The following MTARC2 variants were observed in gnomAD, a reference collection of about 807,000 sequenced individuals.
MTARC2 encodes mitochondrial amidoxime reducing component 2, also known as MOCO sulphurase C-terminal domain containing 2.
A neutral mutation model predicts 35.6 loss-of-function variants in MTARC2; 27 were observed. The observed-to-expected ratio is 0.76, with a 90% CI of 0.56 to 1.04. MTARC2 has a LOEUF of 1.04. Ranked by LOEUF, MTARC2 falls within the 50% of genes least tolerant of loss-of-function variation. The pLI is 0.00. For synonymous variants in MTARC2, 158 were observed against 167.1 expected, an observed-to-expected ratio of 0.95 and a Z score of 0.42; for missense variants, 412 against 432.5, an observed-to-expected ratio of 0.95 and a Z score of 0.42.
At chr1:220,767,542 CA>C (rs1423782546) in intron 4 of MTARC2, among the ~76,000 whole-genome samples, 1 of 152,154 alleles carries the variant, frequency 6.6e-6, no homozygotes, top group Admixed American at 6.5e-5. Context: ...GGGAATGCAG[CA>C]AAATGAAGTT....
At position 220,748,502 on chromosome 1, in the gene MTARC2, G is replaced by T; in HGVS notation, c.-30G>T. ...GGTCTCCGGTCGCTGCCGGGTCTGTGCGCCGGTCCGCGCCCGCCCTCGCTC... is the reference window on the plus strand; with the variant it reads ...GGTCTCCGGTCGCTGCCGGGTCTGTTCGCCGGTCCGCGCCCGCCCTCGCTC... On this transcript the variant is annotated 5_prime_UTR_variant, in exon 1 of 8. Coordinates refer to ENST00000366913, the MANE Select transcript of MTARC2 (RefSeq NM_017898.5). The T allele has an allele frequency of 7.3e-7, 1 of 1,372,478 alleles. No individual in the cohort carries two copies. 85.0% of individuals were successfully genotyped at this position (1,372,478 alleles called of 1,614,324 possible). A position where few individuals can be genotyped will look rare whatever the true frequency, so the allele number is the denominator to read the frequency against.
At chr1:220,770,106 C>CA (rs111417875) in intron 4 of MTARC2, among the ~76,000 whole-genome samples, 3,584 of 151,840 alleles carry the variant, frequency 0.024, 111 homozygotes, top group African/African-American at 0.065. Context: ...GACTCTGTCT[C>CA]AAAAAAACAA....
At chr1:220,780,101 C>T (rs1291445172) in intron 5 of MTARC2, 22 bp downstream of exon 5, 8 of 1,598,796 alleles carry the variant, frequency 5.0e-6, no homozygotes, top group Non-Finnish European at 6.8e-6. Context: ...AGCTAGACCC[C>T]AGGACTGTGG....
chr1:220,757,718 G>A (rs1271693667), intron 2 of MTARC2, among the ~76,000 whole-genome samples: 1 of 152,080 alleles, frequency 6.6e-6, no homozygotes, highest in Non-Finnish European at 1.5e-5. Context: ...CAGCATGAGG[G>A]CTCCACCTCA....
chr1:220,753,741 C>A (rs1399284469), intron 1 of MTARC2, among the ~76,000 whole-genome samples: 4 of 152,178 alleles, frequency 2.6e-5, no homozygotes, highest in South Asian at 2.1e-4. Context: ...TCTGCAGATT[C>A]TATCTTCTTT....
In MTARC2 at chr1:220,773,670, A is replaced by G. The variant is rs559613860; in HGVS notation, c.751-6348A>G. Among the ~76,000 whole-genome samples, 38 of 152,256 alleles carry G rather than the reference A, an allele frequency of 2.5e-4. No homozygotes were observed. The South Asian group carries it at 2.9e-3, about 12-fold the overall frequency. On this transcript the variant is annotated intron_variant, in intron 4 of 7. Transcript: ENST00000366913. The stretch of plus-strand genomic sequence containing the variant: ...ATTGAGTTGAATTGTTGGACACCCA[A>G]TTGGTGTCAGAGAATTGCAGAAATG...
chr1:220,770,082 G>A (rs971770407), intron 4 of MTARC2, among the ~76,000 whole-genome samples: 1 of 151,996 alleles, frequency 6.6e-6, no homozygotes, highest in Non-Finnish European at 1.5e-5. Flanking sequence ...ACTCCAGCCT[G>A]GGCGACAGAG....
intron 7 of MTARC2, among the ~76,000 whole-genome samples, 178 bp downstream of exon 7, chr1:220,782,110 C>G (rs2279636): frequency 0.047 from 7,206 of 152,214 alleles, 269 homozygotes; most frequent in East Asian, 0.19. Flanking sequence ...TTTGTGTACT[C>G]CTACCTCAGC....
chr1:220,763,245 G>A (rs940219894), intron 4 of MTARC2, among the ~76,000 whole-genome samples, 195 bp downstream of exon 4: 11 of 152,206 alleles, frequency 7.2e-5, no homozygotes, highest in African/African-American at 2.6e-4. Context: ...GGGGGGCGTT[G>A]CTCTCACCCG....
At chr1:220,750,741 CCATTTTG>C (rs1671104400) in intron 1 of MTARC2, among the ~76,000 whole-genome samples, 1 of 152,180 alleles carries the variant, frequency 6.6e-6, no homozygotes, top group Non-Finnish European at 1.5e-5. Flanking sequence ...AGTATTATCA[CCATTTTG>C]CAAATAAGGA....
chr1:220,781,459 G>A (rs998608941), intron 6 of MTARC2, among the ~76,000 whole-genome samples: 1 of 152,140 alleles, frequency 6.6e-6, no homozygotes, highest in Admixed American at 6.5e-5. Flanking sequence ...TTGAGTTTTA[G>A]GGGCATTTGT....
chr1:220,778,440 C>G (rs56392834), intron 4 of MTARC2, among the ~76,000 whole-genome samples: 2,975 of 152,088 alleles, frequency 0.02, 115 homozygotes, highest in African/African-American at 0.068. Context: ...GTGCCAGACA[C>G]TTTTAAGCAA....
At chr1:220,751,635 T>C (rs1671127790) in intron 1 of MTARC2, among the ~76,000 whole-genome samples, 1 of 152,208 alleles carries the variant, frequency 6.6e-6, no homozygotes, top group African/African-American at 2.4e-5. Context: ...CAGTTTGTAA[T>C]TGAGAAATGA....
chr1:220,764,966 C>T (rs1671542073), intron 4 of MTARC2, among the ~76,000 whole-genome samples: 1 of 152,146 alleles, frequency 6.6e-6, no homozygotes, highest in East Asian at 1.9e-4. Flanking sequence ...ATGGATCCTG[C>T]TCTTCAGAAT....
At chr1:220,768,783 T>G (rs549752634) in intron 4 of MTARC2, among the ~76,000 whole-genome samples, 18 of 152,276 alleles carry the variant, frequency 1.2e-4, no homozygotes, top group Non-Finnish European at 1.9e-4. Context: ...AGAAGCAAGC[T>G]GAAAGCATCT....
At chr1:220,780,290 A>C (rs747814654) in intron 6 of MTARC2, 51 bp downstream of exon 6, 5 of 1,515,624 alleles carry the variant, frequency 3.3e-6, no homozygotes, top group Admixed American at 1.9e-5. Context: ...CCACCCCAGA[A>C]CTACCTATGG....
In MTARC2 at chr1:220,781,924, G is replaced by T. The variant is rs200796283; in HGVS notation, c.*23G>T. On this transcript the variant is annotated 3_prime_UTR_variant, in exon 7 of 8. Coordinates refer to ENST00000366913, the MANE Select transcript of MTARC2 (RefSeq NM_017898.5). ...TAGTGATGAGTGATGGATCCACTAG[G>T]GTGATATGGTAAAGGGTCAGCTTTG... 1.9e-6 allele frequency: 3 copies of T among 1,611,570 alleles called. No homozygotes were observed. Among genetic ancestry groups the T allele is most frequent in the Non-Finnish European group, 1.7e-6 (2 of 1,178,450 alleles).
intron 4 of MTARC2, among the ~76,000 whole-genome samples, chr1:220,767,127 A>G (rs12026813): frequency 0.013 from 2,028 of 152,206 alleles, 33 homozygotes; most frequent in East Asian, 0.062. Flanking sequence ...TTCTCGAACA[A>G]TCCTCTGGCC....
chr1:220,760,975 A>G (rs935332398), intron 2 of MTARC2, among the ~76,000 whole-genome samples: 10 of 152,258 alleles, frequency 6.6e-5, no homozygotes, highest in Admixed American at 4.6e-4. Context: ...TTAGAATTCA[A>G]TGGAAATGAT....
Sources: gnomAD v4.1 joint callset for allele counts (sites outside exome capture counted in the v4.1 genomes callset) on GRCh38, gnomAD v4.1.1 for gene constraint, MANE v1.5 for transcripts, NCBI Gene and HGNC (gene_info 2026-07-23, HGNC 2026-07-21) for gene names.